ANKH: variants seen among roughly 807,000 people sequenced by gnomAD.
ANKH encodes ANKH inorganic pyrophosphate transport regulator.
A neutral mutation model predicts 49.0 loss-of-function variants in ANKH; 15 were observed. That is an observed-to-expected ratio of 0.31 (90% CI 0.20 to 0.47). The LOEUF (loss-of-function observed/expected upper bound fraction) is 0.47, where lower values mean the gene tolerates loss of function less well. Among genes scored for constraint, ANKH ranks in the 20% least tolerant of loss-of-function variants. The pLI is 1.00. For synonymous variants in ANKH, 273 were observed against 260.0 expected, an observed-to-expected ratio of 1.05 and a Z score of -0.48; for missense variants, 429 against 652.0, an observed-to-expected ratio of 0.66 and a Z score of 3.72.
At chr5:14,850,149 G>A (rs1186432429) in intron 1 of ANKH, among the ~76,000 whole-genome samples, 7 of 152,140 alleles carry the variant, frequency 4.6e-5, no homozygotes, top group Non-Finnish European at 2.9e-5. Context: ...CGAGGAACCC[G>A]CATATCAAGT....
chr5:14,747,533 T>TA (rs1738577842), intron 6 of ANKH, among the ~76,000 whole-genome samples: 1 of 152,126 alleles, frequency 6.6e-6, no homozygotes, highest in South Asian at 2.1e-4. Flanking sequence ...ACTGCTCTCC[T>TA]ACCTGGGTGA....
intron 1 of ANKH, chr5:14,869,342 G>A (rs1735750794): frequency 6.6e-6 from 1 of 152,194 alleles, no homozygotes; most frequent in Admixed American, 6.5e-5. Context: ...AGAAGGCAAA[G>A]CAAGGTTTGG....
At chr5:14,859,530 G>C (rs1008276617) in intron 1 of ANKH, among the ~76,000 whole-genome samples, 1 of 152,120 alleles carries the variant, frequency 6.6e-6, no homozygotes, top group Non-Finnish European at 1.5e-5. Flanking sequence ...CTGCTGAAAA[G>C]CCACTAAAAT....
At chr5:14,771,099 T>C (rs79862530) in intron 1 of ANKH, among the ~76,000 whole-genome samples, 2,719 of 152,344 alleles carry the variant, frequency 0.018, 78 homozygotes, top group African/African-American at 0.063. Flanking sequence ...CTTGCTATAC[T>C]GGGTAGAGCT....
At chr5:14,768,850 A>G in intron 2 of ANKH, 125 bp downstream of exon 2, 1 of 1,125,586 alleles carries the variant, frequency 8.9e-7, no homozygotes, top group Non-Finnish European at 1.3e-6. Flanking sequence ...ATCCCCTGAA[A>G]ATTTCATAAG....
chr5:14,814,001 G>C (rs1740960125), intron 1 of ANKH, among the ~76,000 whole-genome samples: 1 of 151,946 alleles, frequency 6.6e-6, no homozygotes. Flanking sequence ...AGATTCCTCA[G>C]GCCAGACACT....
At position 14,775,694 on chromosome 5, in the gene ANKH, T is replaced by C. The variant is rs142588999; in HGVS notation, c.97-6503A>G. On this transcript the variant is annotated intron_variant, in intron 1 of 11. Coordinates refer to ENST00000284268, the MANE Select transcript of ANKH (RefSeq NM_054027.6). ...CAGGCCTGCAGGAGGGCTTAGTATA[T>C]TTAAGGAACAGAAGGGAGGCCAGTA... Among the ~76,000 whole-genome samples the C allele has an allele frequency of 4.0e-3, 612 of 152,178 alleles. 4 individuals carry two copies. The highest frequency in any genetic ancestry group is 0.013 in the African/African-American group (541 of 41,516).
At position 14,749,609 on chromosome 5, in the gene ANKH, C is replaced by T. The variant is rs73048864; in HGVS notation, c.688-303G>A. On this transcript the variant is annotated intron_variant, in intron 5 of 11. Transcript: ENST00000284268. ...CGGGGAATCTCTAACCAAGGTAGAA[C>T]CCACATCTCGAGCCTGAGAAACAGG... Among the ~76,000 whole-genome samples the T allele has an allele frequency of 8.7e-4, 132 of 152,312 alleles. 1 individual carries two copies. The highest frequency in any genetic ancestry group is 3.0e-3 in the African/African-American group (125 of 41,562).
intron 1 of ANKH, among the ~76,000 whole-genome samples, chr5:14,856,104 G>A (rs539836433): frequency 1.8e-4 from 27 of 152,054 alleles, no homozygotes; most frequent in African/African-American, 6.0e-4. Context: ...CGAATCGCTT[G>A]AGCCCAGGAG....
At chr5:14,809,335 T>TAA (rs36119317) in intron 1 of ANKH, among the ~76,000 whole-genome samples, 1,214 of 80,692 alleles carry the variant, frequency 0.015, 15 homozygotes, top group Non-Finnish European at 0.019. Context: ...TAGAGTATAA[T>TAA]AAAAAAAAAA....
chr5:14,723,975 G>A (rs1355685368), intron 8 of ANKH, among the ~76,000 whole-genome samples: 1 of 152,170 alleles, frequency 6.6e-6, no homozygotes, highest in Non-Finnish European at 1.5e-5. Context: ...AGTTTCCAGG[G>A]ATGATTTGGT....
intron 1 of ANKH, among the ~76,000 whole-genome samples, chr5:14,840,566 T>C (rs1393295616): frequency 6.6e-6 from 1 of 152,250 alleles, no homozygotes; most frequent in Non-Finnish European, 1.5e-5. Context: ...TCTTGATTTG[T>C]GACAGTTGTT....
At chr5:14,772,810 C>T (rs1359581939) in intron 1 of ANKH, among the ~76,000 whole-genome samples, 1 of 152,228 alleles carries the variant, frequency 6.6e-6, no homozygotes, top group Non-Finnish European at 1.5e-5. Flanking sequence ...GGGAATTGGC[C>T]ACTAATGGCT....
chr5:14,773,289 C>T (rs1451784550), intron 1 of ANKH, among the ~76,000 whole-genome samples: 1 of 150,456 alleles, frequency 6.6e-6, no homozygotes, highest in African/African-American at 2.5e-5. Flanking sequence ...AATTTAAAAG[C>T]ATCTCATAGG....
chr5:14,814,410 G>T (rs1561067759), intron 1 of ANKH, among the ~76,000 whole-genome samples: 1 of 152,168 alleles, frequency 6.6e-6, no homozygotes, highest in African/African-American at 2.4e-5. Flanking sequence ...AGACCAGCCT[G>T]GGCAACATAC....
At position 14,751,299 on chromosome 5, in the gene ANKH, G is replaced by C. The variant is rs978925326; in HGVS notation, c.517-60C>G. 3.3e-6 allele frequency: 5 copies of C among 1,536,182 alleles called. No homozygotes were observed. The African/African-American group carries it at 6.8e-5, about 21-fold the overall frequency. On this transcript the variant is annotated intron_variant, in intron 4 of 11. Coordinates refer to ENST00000284268, the MANE Select transcript of ANKH (RefSeq NM_054027.6). The stretch of plus-strand genomic sequence containing the variant: ...GAGAAGCGGGAACCGACTGACAGAA[G>C]CACAGGGGCACGCTCTTGAACCTGA...
chr5:14,786,008 T>C (rs538708789), intron 1 of ANKH, among the ~76,000 whole-genome samples: 2 of 143,442 alleles, frequency 1.4e-5, no homozygotes, highest in African/African-American at 5.3e-5. Context: ...ATCACGCCAC[T>C]GTATTCTAGC....
In ANKH at chr5:14,820,960, G is replaced by C. The variant is rs114257669; in HGVS notation, c.96+50392C>G. Among the ~76,000 whole-genome samples, 561 of 152,222 alleles carry C rather than the reference G, an allele frequency of 3.7e-3. 3 individuals are homozygous for C. The highest frequency in any genetic ancestry group is 0.012 in the Admixed American group (187 of 15,290). On this transcript the variant is annotated intron_variant, in intron 1 of 11. Coordinates refer to ENST00000284268, the MANE Select transcript of ANKH (RefSeq NM_054027.6). ...AGAAATACAAACAAATTAGCTGGGGGTGGTGGTGACACTGTAGTCCCAGCA... is the reference window on the plus strand; with the variant it reads ...AGAAATACAAACAAATTAGCTGGGGCTGGTGGTGACACTGTAGTCCCAGCA...
chr5:14,715,747 T>C (rs1377327257), intron 9 of ANKH, among the ~76,000 whole-genome samples: 2 of 152,230 alleles, frequency 1.3e-5, no homozygotes, highest in Admixed American at 1.3e-4. Flanking sequence ...ATGGAAATGG[T>C]TGTATACTAA....
Sources: allele counts gnomAD v4.1 joint callset (sites outside exome capture counted in the v4.1 genomes callset), GRCh38; gene constraint gnomAD v4.1.1; transcripts MANE v1.5; gene names NCBI Gene and HGNC (gene_info 2026-07-23, HGNC 2026-07-21).